Variants in SBNO2 observed in about 807,000 individuals in gnomAD.
SBNO2 encodes protein strawberry notch homolog 2.
In SBNO2, 89 loss-of-function variants were observed where a neutral mutation model predicts 146.3. That is an observed-to-expected ratio of 0.61 (90% confidence interval 0.51 to 0.73). SBNO2 has a LOEUF of 0.73. Among genes scored for constraint, SBNO2 ranks in the 30% least tolerant of loss-of-function variants. The pLI, the probability that SBNO2 is intolerant of heterozygous loss-of-function variation, is 0.00. For synonymous variants in SBNO2, 1,147 were observed against 892.6 expected (o/e 1.29, Z -5.08); for missense variants, 2,092 against 2,003.7 (o/e 1.04, Z -0.84).
intron 2 of SBNO2, 100 bp from the exon 3 acceptor site, chr19:1,149,542 G>A: frequency 9.0e-7 from 1 of 1,113,316 alleles, no homozygotes. Context: ...AGGCTAGGGA[G>A]GCCCCGCAGT....
intron 24 of SBNO2, 40 bp from the exon 25 acceptor site, chr19:1,111,133 C>T (rs1043506068): frequency 7.8e-6 from 12 of 1,530,324 alleles, no homozygotes; most frequent in Non-Finnish European, 9.6e-6. Flanking sequence ...CTTCCCACCC[C>T]TGCCCCTCCC....
At chr19:1,162,997 C>T (rs2080364291) in intron 1 of SBNO2, among the ~76,000 whole-genome samples, 1 of 152,182 alleles carries the variant, frequency 6.6e-6, no homozygotes, top group Admixed American at 6.5e-5. Context: ...GGATCAGACC[C>T]CACAGTGCCT....
intron 1 of SBNO2, among the ~76,000 whole-genome samples, chr19:1,172,077 G>A (rs920446393): frequency 2.0e-5 from 3 of 152,084 alleles, no homozygotes; most frequent in Non-Finnish European, 4.4e-5. Flanking sequence ...TCCACACCAG[G>A]GCCCTCCTGG....
rs774726852 is a variant in SBNO2, at chr19:1,108,214, G to A, written c.*6C>T. The A allele has an allele frequency of 9.8e-6, 15 of 1,527,014 alleles. No individual in the cohort carries two copies. Among genetic ancestry groups the A allele is most frequent in the South Asian group, 6.0e-5 (5 of 83,286 alleles). The allele number at this position is 1,527,014 out of a possible 1,614,324, so 94.6% of individuals were successfully genotyped here. A position where few individuals can be genotyped will look rare whatever the true frequency, so the allele number is the denominator to read the frequency against. ...TGTCTTGGGGCATGTTTCGCCTAAA[G>A]GCGTGTCAGAGAGGAGCCTGGGCGC... is the stretch of plus-strand genomic sequence containing the variant. On this transcript the variant is annotated 3_prime_UTR_variant, in exon 32 of 32. Coordinates refer to ENST00000361757, the MANE Select transcript of SBNO2 (RefSeq NM_014963.3).
At chr19:1,120,665 G>A (rs2145219409) in intron 11 of SBNO2, among the ~76,000 whole-genome samples, 1 of 151,234 alleles carries the variant, frequency 6.6e-6, no homozygotes, top group African/African-American at 2.4e-5. Context: ...GCCGTGCCCA[G>A]CCCTAATTCT....
At chr19:1,123,761 G>A in intron 6 of SBNO2, 122 bp from the exon 7 acceptor site, 1 of 1,105,668 alleles carries the variant, frequency 9.0e-7, no homozygotes, top group Non-Finnish European at 1.3e-6. Context: ...GTGGGAGACG[G>A]CTCTGTCTGC....
At position 1,153,316 on chromosome 19, in the gene SBNO2, C is replaced by T. The variant is rs2080259754; in HGVS notation, c.93+868G>A. 3.3e-5 allele frequency among the ~76,000 whole-genome samples: 5 copies of T among 151,472 alleles called. No homozygotes were observed. The South Asian group carries it at 1.0e-3, about 32-fold the overall frequency. Reference sequence around the variant, plus strand: ...GCAGTGGTGCAATCTCTGCTCACTGCAGCCTCTGCCTCCCAGGTTCAAGCG... The same window carrying T: ...GCAGTGGTGCAATCTCTGCTCACTGTAGCCTCTGCCTCCCAGGTTCAAGCG... On this transcript the variant is annotated intron_variant, in intron 2 of 31. Coordinates refer to ENST00000361757, the MANE Select transcript of SBNO2 (RefSeq NM_014963.3).
rs969302756 is a variant in SBNO2, at chr19:1,116,230, G to T, written c.1803-127C>A. On this transcript the variant is annotated intron_variant, in intron 16 of 31. Coordinates refer to ENST00000361757, the MANE Select transcript of SBNO2 (RefSeq NM_014963.3). ...GGACAGGACCGGGCCTGGGCAGAGG[G>T]TCTCCTGTGTGGAGTGGGCTGGGGA... 5 of 774,716 alleles carry T rather than the reference G, an allele frequency of 6.5e-6. No homozygotes were observed. The East Asian group carries it at 1.1e-4, about 17-fold the overall frequency. The allele number at this position is 774,716 out of a possible 1,614,324, so 48.0% of individuals were successfully genotyped here.
chr19:1,119,646 T>A (rs376428233), intron 12 of SBNO2, 25 bp from the exon 13 acceptor site: 21 of 1,577,836 alleles, frequency 1.3e-5, no homozygotes, highest in Non-Finnish European at 1.8e-5. Context: ...TGCCGTCAGC[T>A]CCCCAACCCG....
At chr19:1,167,256 C>T (rs1325717980) in intron 1 of SBNO2, among the ~76,000 whole-genome samples, 1 of 152,264 alleles carries the variant, frequency 6.6e-6, no homozygotes, top group Admixed American at 6.5e-5. Flanking sequence ...TCCAGGTTCG[C>T]CAGTGCGGCC....
chr19:1,108,172 G>A lies in SBNO2; in HGVS notation c.*48C>T, dbSNP rs1170309913. The A allele has an allele frequency of 2.1e-5, 32 of 1,490,288 alleles. No homozygotes were observed. Among genetic ancestry groups the A allele is most frequent in the African/African-American group, 2.9e-5 (2 of 68,580 alleles). 92.3% of individuals were successfully genotyped at this position (1,490,288 alleles called of 1,614,324 possible). A position where few individuals can be genotyped will look rare whatever the true frequency, so the allele number is the denominator to read the frequency against. On this transcript the variant is annotated 3_prime_UTR_variant, in exon 32 of 32. Transcript: ENST00000361757. The stretch of plus-strand genomic sequence containing the variant: ...CCCTGCTCCCCACCGCTGCTCCTAG[G>A]GGAGAAACGGTCCCTGTGTCTTGGG...
At chr19:1,170,786 C>T (rs923814853) in intron 1 of SBNO2, among the ~76,000 whole-genome samples, 2 of 151,826 alleles carry the variant, frequency 1.3e-5, no homozygotes, top group Non-Finnish European at 2.9e-5. Context: ...AGGCAACATG[C>T]GGGCACACAC....
intron 3 of SBNO2, among the ~76,000 whole-genome samples, chr19:1,147,952 C>T (rs1189400157): frequency 1.3e-5 from 2 of 152,166 alleles, no homozygotes. Flanking sequence ...GGCCCCCCGC[C>T]CAGGGGCGCC....
intron 17 of SBNO2, chr19:1,115,664 G>T: frequency 5.5e-6 from 2 of 360,786 alleles, no homozygotes; most frequent in Non-Finnish European, 1.0e-5. Context: ...GCTTCCCTGT[G>T]ACAGAAGCCT....
At chr19:1,151,706 A>G (rs1009053038) in intron 2 of SBNO2, among the ~76,000 whole-genome samples, 8 of 152,142 alleles carry the variant, frequency 5.3e-5, no homozygotes, top group African/African-American at 1.9e-4. Flanking sequence ...TCTGTCACCC[A>G]GGCTGAAGTG....
At chr19:1,163,876 C>T (rs1048001523) in intron 1 of SBNO2, among the ~76,000 whole-genome samples, 8 of 152,210 alleles carry the variant, frequency 5.3e-5, no homozygotes, top group Non-Finnish European at 8.8e-5. Flanking sequence ...GCAGTGGCCC[C>T]GGTTGCCTGG....
Position 1,109,354 on chromosome 19 carries a change from G to C in SBNO2, c.3286C>G (p.Pro1096Ala), listed in dbSNP as rs2079723190. The C allele has an allele frequency of 1.3e-6, 2 of 1,591,846 alleles. No homozygotes were observed. Among genetic ancestry groups the C allele is most frequent in the Non-Finnish European group, 1.7e-6 (2 of 1,170,160 alleles). The change falls in exon 29 of 32, where the codon CCC (proline) becomes GCC (alanine). Residue 1096 changes from proline to alanine, a missense_variant. Transcript: ENST00000361757. The surrounding 1 kb of genome is among the most constrained non-coding windows in gnomAD (Gnocchi z 4.2). ...NRGQFFTVYK[P>A]NIGRQSQLEA... ...AGCTGGCTCTGCCGGCCGATGTTGGGCTTGTACACCGTGAAGAACTGGCCG... is the reference window on the plus strand; with the variant it reads ...AGCTGGCTCTGCCGGCCGATGTTGGCCTTGTACACCGTGAAGAACTGGCCG...
chr19:1,109,665 G>C lies in SBNO2; in HGVS notation c.3123+18C>G. ...CGGGGTGGGCAGAGTGTGAGGGGCT[G>C]TGGGGCTTCCTGCTGACCTTGTAGA... is the stretch of plus-strand genomic sequence containing the variant. On this transcript the variant is annotated intron_variant, in intron 27 of 31. Coordinates refer to ENST00000361757, the MANE Select transcript of SBNO2 (RefSeq NM_014963.3). This position sits in a 1 kb window ranked among gnomAD's most constrained non-coding sequence, Gnocchi z 4.2. The C allele has an allele frequency of 6.2e-7, 1 of 1,607,012 alleles. No homozygotes were observed. Among genetic ancestry groups the C allele is most frequent in the Non-Finnish European group, 8.5e-7 (1 of 1,176,814 alleles).
rs1599875700 is a variant in SBNO2, at chr19:1,157,866, G to A, written c.-126-3464C>T. Among the ~76,000 whole-genome samples the A allele has an allele frequency of 6.7e-6, 1 of 148,492 alleles. No homozygotes were observed. Among genetic ancestry groups the A allele is most frequent in the Non-Finnish European group, 1.5e-5 (1 of 67,392 alleles). On this transcript the variant is annotated intron_variant, in intron 1 of 31. Coordinates refer to ENST00000361757, the MANE Select transcript of SBNO2 (RefSeq NM_014963.3). The surrounding 1 kb of genome is among the most constrained non-coding windows in gnomAD (Gnocchi z 6.8). ...CTCCCAGCTCTCTCTCTTGAGTCCG[G>A]GTAACTGCATCTGCCTCCCAGCTCT...
Sources: gnomAD v4.1 joint callset for allele counts (sites outside exome capture counted in the v4.1 genomes callset) on GRCh38, gnomAD v4.1.1 for gene constraint, Gnocchi (gnomAD v3.1) non-coding constraint, MANE v1.5 for transcripts, NCBI Gene and HGNC (gene_info 2026-07-23, HGNC 2026-07-21) for gene names.